The following SF1 variants were observed in gnomAD, a reference collection of about 807,000 sequenced individuals.
The protein encoded by SF1 is branch point-binding protein.
In SF1, 7 loss-of-function variants were observed where a neutral mutation model predicts 62.5. That is an observed-to-expected ratio of 0.11 (90% CI 0.06 to 0.21). The LOEUF (loss-of-function observed/expected upper bound fraction) is 0.21, where lower values mean the gene tolerates loss of function less well. Ranked by LOEUF, SF1 falls within the 10% of genes least tolerant of loss-of-function variation. The probability of loss-of-function intolerance (pLI) is 1.00; values close to 1 mark genes in which losing one functional copy is unlikely to be tolerated. For synonymous variants in SF1, 394 were observed against 323.6 expected (o/e 1.22, Z -2.33); for missense variants, 578 against 884.0 (o/e 0.65, Z 4.39).
chr11:64,765,705 A>G lies in SF1; in HGVS notation c.*113T>C. On this transcript the variant is annotated 3_prime_UTR_variant, in exon 13 of 13. Coordinates refer to ENST00000377390, the MANE Select transcript of SF1 (RefSeq NM_004630.4). ...TGCGTGCACACACACACATGCGTGC[A>G]CACACAATCACATGCGTGCGTCCCA... 1.4e-6 allele frequency: 2 copies of G among 1,461,226 alleles called. No individual in the cohort carries two copies. Among genetic ancestry groups the G allele is most frequent in the Non-Finnish European group, 1.8e-6 (2 of 1,108,134 alleles). 90.5% of individuals were successfully genotyped at this position (1,461,226 alleles called of 1,614,324 possible).
At position 64,772,474 on chromosome 11, in the gene SF1, GAAGA is replaced by G. The variant is rs1289990272; in HGVS notation, c.236+952_236+955del. 4 of 985,046 alleles carry G rather than the reference GAAGA, an allele frequency of 4.1e-6. No homozygotes were observed. The African/African-American group carries it at 5.2e-5, about 13-fold the overall frequency. 61.0% of individuals were successfully genotyped at this position (985,046 alleles called of 1,614,324 possible). On this transcript the variant is annotated intron_variant, in intron 3 of 12. Coordinates refer to ENST00000377390, the MANE Select transcript of SF1 (RefSeq NM_004630.4). ...AGTTAATGTTTCCTGGCAAAGGGCG[GAAGA>G]AAGATGCATGAGTGAGTGACTTCTA...
intron 12 of SF1, 92 bp from the exon 13 acceptor site, chr11:64,766,247 G>A (rs2058658828): frequency 6.3e-6 from 4 of 637,784 alleles, no homozygotes; most frequent in African/African-American, 2.0e-5. Flanking sequence ...AGGGGCGCCT[G>A]CTCCTTGCTT....
intron 3 of SF1, chr11:64,771,962 A>G (rs1015633465): frequency 2.1e-5 from 21 of 985,308 alleles, no homozygotes; most frequent in African/African-American, 1.7e-5. Flanking sequence ...CATGCTTGAC[A>G]TTTCTAATTC....
At chr11:64,766,855 A>ACCG in intron 12 of SF1, 45 bp downstream of exon 12, 4 of 528,760 alleles carry the variant, frequency 7.6e-6, no homozygotes, top group Admixed American at 2.9e-5. Context: ...TGTCAGCCCC[A>ACCG]CCCCCATCCC....
At chr11:64,769,656 C>T (rs551419777) in intron 5 of SF1, 47 bp from the exon 6 acceptor site, 47 of 1,547,990 alleles carry the variant, frequency 3.0e-5, no homozygotes, top group Non-Finnish European at 4.1e-5. Context: ...AATTCACACT[C>T]AAGAGGGAAG....
intron 8 of SF1, among the ~76,000 whole-genome samples, chr11:64,768,725 G>A (rs117762592): frequency 0.01 from 1,550 of 152,344 alleles, 16 homozygotes; most frequent in South Asian, 0.019. Flanking sequence ...AATCTGTAGA[G>A]ATTGCTTAGT....
chr11:64,768,433 G>A (rs1937708566), intron 8 of SF1, 147 bp from the exon 9 acceptor site: 1 of 722,634 alleles, frequency 1.4e-6, no homozygotes, highest in Non-Finnish European at 2.3e-6. Context: ...ACTGGGCATG[G>A]CTCTCAACAG....
Position 64,765,260 on chromosome 11 carries a change from G to T in SF1, c.*558C>A. 1.9e-6 allele frequency: 1 copy of T among 527,986 alleles called. No homozygotes were observed. The allele number at this position is 527,986 out of a possible 1,614,324, so 32.7% of individuals were successfully genotyped here. On this transcript the variant is annotated 3_prime_UTR_variant, in exon 13 of 13. Transcript: ENST00000377390. Reference sequence around the variant, plus strand: ...AATCTAAATTGCAGCAGAAGACCGGGGAGAGCATCTCCTTGGACGGAGTCT... The same window carrying T: ...AATCTAAATTGCAGCAGAAGACCGGTGAGAGCATCTCCTTGGACGGAGTCT...
chr11:64,776,371 C>G (rs1424028072), intron 2 of SF1, 127 bp downstream of exon 2: 3 of 1,033,570 alleles, frequency 2.9e-6, no homozygotes, highest in Non-Finnish European at 4.4e-6. Flanking sequence ...CAGATGATAC[C>G]AAAGTCGTGA....
Position 64,769,146 on chromosome 11 carries a change from AG to A in SF1, c.780-18del. 1.2e-6 allele frequency: 2 copies of A among 1,612,000 alleles called. No homozygotes were observed. The highest frequency in any genetic ancestry group is 3.3e-4 in the Middle Eastern group (2 of 6,056). On this transcript the variant is annotated intron_variant, in intron 7 of 12. Transcript: ENST00000377390. ...CTTAAGATCCTATTAAAGGAAAAAG[AG>A]GTCAATGCAAGGGAACAATCTCTAC...
Position 64,771,436 on chromosome 11 carries a change from AT to A in SF1, c.237-1029del, listed in dbSNP as rs1938307363. ...ATGTGGATCAGGTTATTAAAAAAAC[AT>A]ACTGAAAGTAATCAAGACTCCTATA... On this transcript the variant is annotated intron_variant, in intron 3 of 12. Coordinates refer to ENST00000377390, the MANE Select transcript of SF1 (RefSeq NM_004630.4). 8 of 984,668 alleles carry A rather than the reference AT, an allele frequency of 8.1e-6. No individual in the cohort carries two copies. The South Asian group carries it at 3.3e-4, about 41-fold the overall frequency. The allele number at this position is 984,668 out of a possible 1,614,324, so 61.0% of individuals were successfully genotyped here.
rs1937949003 is a variant in SF1, at chr11:64,769,520, C to T, written c.569G>A (p.Arg190His). Residue 190 changes from arginine (R) to histidine (H), a missense_variant, in exon 6 of 13, where the codon CGC (arginine) becomes CAC (histidine). Physicochemically the swap from Arg to His is conservative, Grantham distance 29. Transcript: ENST00000377390. ...TCCTGGCAACATCTGGCCATCTTTG[C>T]GCCCAACCTTCCCTTCTTTCACAGA... ...KGSVKEGKVGRKDGQMLPGED... is the reference protein window; with the variant it reads ...KGSVKEGKVGHKDGQMLPGED... 6.2e-7 allele frequency: 1 copy of T among 1,614,192 alleles called. No individual in the cohort carries two copies. Among genetic ancestry groups the T allele is most frequent in the Non-Finnish European group, 8.5e-7 (1 of 1,180,022 alleles).
intron 8 of SF1, 48 bp downstream of exon 8, chr11:64,768,974 T>C: frequency 1.6e-6 from 2 of 1,256,144 alleles, no homozygotes; most frequent in South Asian, 1.2e-5. Flanking sequence ...AGAAAAGTTG[T>C]CCTGCACATC....
Position 64,767,597 on chromosome 11 carries a change from G to A in SF1, c.1316C>T (p.Pro439Leu). Residue 439 changes from proline (P) to leucine (L), a missense_variant, in exon 10 of 13, where the codon CCT (proline) becomes CTT (leucine). By Grantham distance (98) the Pro-to-Leu change is moderately conservative. This residue lies in a region of SF1 where 410 missense variants were observed against 452.4 expected (regional missense o/e 0.91). Coordinates refer to ENST00000377390, the MANE Select transcript of SF1 (RefSeq NM_004630.4). ...PPPMNQGPHP[P>L]GHHGPPPMDQ... ...CATTGGAGGAGGGCCATGGTGCCCA[G>A]GAGGGTGGGGGCCCTGGTTCATCGG... 1 of 1,576,554 alleles carries A rather than the reference G, an allele frequency of 6.3e-7. No homozygotes were observed. Among genetic ancestry groups the A allele is most frequent in the South Asian group, 1.2e-5 (1 of 86,788 alleles).
chr11:64,777,234 A>G lies in SF1; in HGVS notation c.32-608T>C, dbSNP rs146393737. ...GAACTCTTAAAAGGATCTATCAAAA[A>G]TTCAACAACCTATACAATAGCAGCC... On this transcript the variant is annotated intron_variant, in intron 1 of 12. Transcript: ENST00000377390. Among the ~76,000 whole-genome samples, 5 of 152,324 alleles carry G rather than the reference A, an allele frequency of 3.3e-5. No individual in the cohort carries two copies. In the East Asian group the frequency reaches 9.6e-4, roughly 29 times the overall value.
chr11:64,777,728 T>A, intron 1 of SF1: 11 of 985,590 alleles, frequency 1.1e-5, no homozygotes, highest in Non-Finnish European at 1.3e-5. Flanking sequence ...GTCTATACAG[T>A]TGCGCCGCAC....
intron 2 of SF1, among the ~76,000 whole-genome samples, chr11:64,773,902 G>A (rs1374601936): frequency 1.3e-5 from 2 of 152,106 alleles, no homozygotes; most frequent in Non-Finnish European, 2.9e-5. Context: ...CAAATTACTT[G>A]AGGGCAAGAA....
intron 9 of SF1, 111 bp downstream of exon 9, chr11:64,767,995 G>A: frequency 6.9e-7 from 1 of 1,441,600 alleles, no homozygotes; most frequent in Non-Finnish European, 9.3e-7. Flanking sequence ...GAAGAACAAT[G>A]TTGCCATCCA....
chr11:64,767,199 T>G lies in SF1; in HGVS notation c.1395A>C (p.Gln465His). The change falls in exon 11 of 13, where the codon CAA becomes CAC. Residue 465 changes from glutamine (Q) to histidine (H), a missense_variant. This residue lies in a region of SF1 where 410 missense variants were observed against 452.4 expected (regional missense o/e 0.91). Transcript: ENST00000377390. ...PVGSGVYRLH[Q>H]GKGMMPPPPM... ...CCAGCAGACAGCCATTACCTTTTCC[T>G]TGATGCAGGCGATAGACCCCAGAGC... 6.2e-7 allele frequency: 1 copy of G among 1,614,096 alleles called. No individual in the cohort carries two copies. The highest frequency in any genetic ancestry group is 8.5e-7 in the Non-Finnish European group (1 of 1,179,974).
Sources: gnomAD v4.1 joint callset for allele counts (sites outside exome capture counted in the v4.1 genomes callset) on GRCh38, gnomAD v4.1.1 for gene constraint, gnomAD v4.1.1 regional missense constraint, MANE v1.5 for transcripts, NCBI Gene and HGNC (gene_info 2026-07-23, HGNC 2026-07-21) for gene names.